The following TCF12 variants were observed in gnomAD, a reference collection of about 807,000 sequenced individuals.
TCF12 encodes the protein DNA-binding protein HTF4.
Under a neutral mutation model 86.0 loss-of-function variants are expected in TCF12, and 45 were observed. The observed-to-expected ratio is 0.52, with a 90% CI of 0.41 to 0.67. The LOEUF is 0.67. Among genes scored for constraint, TCF12 ranks in the 30% least tolerant of loss-of-function variants. TCF12 has a pLI of 0.00. For synonymous variants in TCF12, 330 were observed against 299.6 expected (o/e 1.10, Z -1.05); for missense variants, 881 against 859.9 (o/e 1.02, Z -0.31).
chr15:57,128,298 A>C (rs2051830733), intron 5 of TCF12, among the ~76,000 whole-genome samples: 2 of 152,224 alleles, frequency 1.3e-5, no homozygotes, highest in African/African-American at 2.4e-5. Flanking sequence ...TCAAGTTAGA[A>C]TCAAGATCAT....
chr15:56,999,988 A>G (rs1355036703), intron 3 of TCF12, among the ~76,000 whole-genome samples: 1 of 152,202 alleles, frequency 6.6e-6, no homozygotes, highest in African/African-American at 2.4e-5. Context: ...GGCATGAGCC[A>G]CTGTGCCTGG....
intron 6 of TCF12, among the ~76,000 whole-genome samples, chr15:57,169,832 TAGTTAG>T (rs1319673599): frequency 6.6e-6 from 1 of 152,240 alleles, no homozygotes; most frequent in African/African-American, 2.4e-5. Context: ...TATTGCTGTT[TAGTTAG>T]AGTCAGCAAT....
At chr15:57,166,563 ACTAC>A in intron 6 of TCF12, 97 bp downstream of exon 6, 1 of 1,089,540 alleles carries the variant, frequency 9.2e-7, no homozygotes, top group South Asian at 1.7e-5. Flanking sequence ...AATTTATTTC[ACTAC>A]TGTTTGTTTA....
At chr15:57,282,056 C>T (rs2061714755) in intron 19 of TCF12, 1 of 259,974 alleles carries the variant, frequency 3.8e-6, no homozygotes, top group African/African-American at 2.4e-5. Flanking sequence ...AGATAAAGCA[C>T]AGGTGTCTCT....
chr15:56,954,728 T>G (rs2061427202), intron 3 of TCF12, among the ~76,000 whole-genome samples: 1 of 151,956 alleles, frequency 6.6e-6, no homozygotes, highest in Non-Finnish European at 1.5e-5. Flanking sequence ...TTTACAAGAT[T>G]AAAAACAACC....
chr15:57,181,737 T>C (rs547305119), intron 6 of TCF12, among the ~76,000 whole-genome samples: 111 of 152,326 alleles, frequency 7.3e-4, no homozygotes, highest in Admixed American at 3.3e-3. Context: ...TCCTTATTTT[T>C]AAAAATTGGA....
chr15:57,267,455 T>C (rs1406197483), intron 18 of TCF12, among the ~76,000 whole-genome samples: 1 of 152,220 alleles, frequency 6.6e-6, no homozygotes, highest in Non-Finnish European at 1.5e-5. Flanking sequence ...TTTATTCAAA[T>C]AGAATTTTAA....
chr15:56,944,393 T>C (rs1183638739), intron 3 of TCF12, among the ~76,000 whole-genome samples: 3 of 152,178 alleles, frequency 2.0e-5, no homozygotes, highest in Non-Finnish European at 4.4e-5. Context: ...ATAATACTTA[T>C]CTAAATAAAT....
chr15:56,951,674 A>G (rs2111891), intron 3 of TCF12, among the ~76,000 whole-genome samples: 59,049 of 152,046 alleles, frequency 0.39, 14,271 homozygotes, highest in Non-Finnish European at 0.53. Context: ...TTTTGAGACC[A>G]GGTTTTGCTC....
At chr15:56,970,908 G>C (rs1033476336) in intron 3 of TCF12, among the ~76,000 whole-genome samples, 2 of 151,980 alleles carry the variant, frequency 1.3e-5, no homozygotes, top group Non-Finnish European at 2.9e-5. Flanking sequence ...AAAAAAATTA[G>C]CTGGGCATGG....
chr15:57,068,013 A>G (rs2069050261), intron 4 of TCF12, among the ~76,000 whole-genome samples: 1 of 152,126 alleles, frequency 6.6e-6, no homozygotes, highest in Non-Finnish European at 1.5e-5. Context: ...TTGTTCACTA[A>G]GGTGTTAATG....
At chr15:57,283,560 C>G (rs550306392) in intron 20 of TCF12, among the ~76,000 whole-genome samples, 9 of 152,342 alleles carry the variant, frequency 5.9e-5, no homozygotes, top group African/African-American at 2.2e-4. Flanking sequence ...CCACCTCGCC[C>G]AGCTGGTAAC....
chr15:57,120,842 C>T (rs1454054034), intron 5 of TCF12, among the ~76,000 whole-genome samples: 2 of 152,096 alleles, frequency 1.3e-5, no homozygotes, highest in Admixed American at 1.3e-4. Flanking sequence ...CAGAAAATGT[C>T]TGTTGTGGCA....
At chr15:57,140,724 ATTATT>A (rs1160679661) in intron 5 of TCF12, among the ~76,000 whole-genome samples, 2 of 152,190 alleles carry the variant, frequency 1.3e-5, no homozygotes, top group Non-Finnish European at 1.5e-5. Flanking sequence ...TATAAACAAA[ATTATT>A]TTATTTTATA....
intron 3 of TCF12, among the ~76,000 whole-genome samples, chr15:57,030,184 CGTG>C (rs1235325259): frequency 7.9e-5 from 12 of 152,202 alleles, no homozygotes; most frequent in Non-Finnish European, 1.2e-4. Flanking sequence ...TTAATTGAGT[CGTG>C]GTCTTGCTCT....
At chr15:57,126,200 C>T (rs1369407144) in intron 5 of TCF12, among the ~76,000 whole-genome samples, 1 of 152,120 alleles carries the variant, frequency 6.6e-6, no homozygotes, top group East Asian at 1.9e-4. Context: ...AAGATTGCGC[C>T]ACTACATTCC....
intron 16 of TCF12, among the ~76,000 whole-genome samples, chr15:57,257,503 A>T (rs2060397790): frequency 6.6e-6 from 1 of 152,046 alleles, no homozygotes; most frequent in Non-Finnish European, 1.5e-5. Flanking sequence ...ACAAAAAAAA[A>T]ATTTTTAATT....
chr15:57,267,261 T>C lies in TCF12; in HGVS notation c.1745+3987T>C, dbSNP rs2060913513. Among the ~76,000 whole-genome samples the C allele has an allele frequency of 2.0e-5, 3 of 152,194 alleles. No individual in the cohort carries two copies. The South Asian group carries it at 6.2e-4, about 31-fold the overall frequency. On this transcript the variant is annotated intron_variant, in intron 18 of 20. Transcript: ENST00000333725. ...CACAACTTAAAAGGTGTCCTTTTGC[T>C]CTTTTGACATTCTCACTGTTTTCAA...
chr15:57,028,862 G>A (rs369930174), intron 3 of TCF12, among the ~76,000 whole-genome samples: 3 of 151,780 alleles, frequency 2.0e-5, no homozygotes, highest in Non-Finnish European at 4.4e-5. Flanking sequence ...GCAGTAATGC[G>A]ATCTTGGCTC....
Sources: allele counts gnomAD v4.1 joint callset (sites outside exome capture counted in the v4.1 genomes callset), GRCh38; gene constraint gnomAD v4.1.1; transcripts MANE v1.5; gene names NCBI Gene and HGNC (gene_info 2026-07-23, HGNC 2026-07-21).